The following PATJ variants were observed in gnomAD, a reference collection of about 807,000 sequenced individuals.
PATJ encodes the protein PATJ crumbs cell polarity complex component.
In PATJ, 190 loss-of-function variants were observed where a neutral mutation model predicts 224.9. The ratio of observed to expected loss-of-function variants is 0.84; its 90% confidence interval spans 0.75 to 0.95. The LOEUF is 0.95. Among genes scored for constraint, PATJ ranks in the 40% least tolerant of loss-of-function variants. PATJ has a pLI of 0.00. For synonymous variants in PATJ, 769 were observed against 820.3 expected, an observed-to-expected ratio of 0.94 and a Z score of 1.07; for missense variants, 2,121 against 2,270.3, an observed-to-expected ratio of 0.93 and a Z score of 1.34.
At chr1:62,144,775 A>ATATATATATATATATATATATATATAT (rs1218856613) in intron 41 of PATJ, among the ~76,000 whole-genome samples, 25 of 90,822 alleles carry the variant, frequency 2.8e-4, no homozygotes, top group African/African-American at 7.0e-4. Flanking sequence ...GCAAAAAAAA[A>ATATATATATATATATATATATATATAT]AAATATATAT....
intron 14 of PATJ, among the ~76,000 whole-genome samples, chr1:61,818,125 G>A (rs1656524584): frequency 6.6e-6 from 1 of 152,180 alleles, no homozygotes; most frequent in Admixed American, 6.5e-5. Context: ...AAAAGGAATG[G>A]GCTGTAGTTT....
intron 43 of PATJ, 67 bp downstream of exon 43, chr1:62,153,548 T>G: frequency 9.6e-7 from 1 of 1,046,694 alleles, no homozygotes; most frequent in African/African-American, 1.6e-5. Flanking sequence ...TTTTAAGTGC[T>G]TTGCTTTGCT....
Position 61,908,359 on chromosome 1 carries a change from T to G in PATJ, c.3382-13T>G. 1 of 1,577,340 alleles carries G rather than the reference T, an allele frequency of 6.3e-7. No homozygotes were observed. The highest frequency in any genetic ancestry group is 1.1e-5 in the South Asian group (1 of 90,294). On this transcript the variant is annotated splice_polypyrimidine_tract_variant and intron_variant, in intron 24 of 43. Coordinates refer to ENST00000642238, the MANE Select transcript of PATJ (RefSeq NM_001350145.3). ...TGCTGTTCTAATTGAAATAACTTGC[T>G]TCTGTGTTTCAGGTGTCTGGAGTAG...
chr1:61,804,007 CA>C (rs1428079351), intron 12 of PATJ, among the ~76,000 whole-genome samples: 5 of 151,894 alleles, frequency 3.3e-5, no homozygotes, highest in East Asian at 3.9e-4. Context: ...AAAATATAGT[CA>C]AAAAAATTGC....
chr1:61,947,662 GC>G (rs1678956018), intron 27 of PATJ, among the ~76,000 whole-genome samples: 1 of 152,132 alleles, frequency 6.6e-6, no homozygotes, highest in Non-Finnish European at 1.5e-5. Flanking sequence ...TAGATTGAAT[GC>G]CATCCCCATG....
At chr1:62,156,461 C>T (rs1420524543) in intron 43 of PATJ, among the ~76,000 whole-genome samples, 4 of 151,330 alleles carry the variant, frequency 2.6e-5, no homozygotes, top group Admixed American at 6.6e-5. Flanking sequence ...ACCTGGGAGG[C>T]GGGGGTTGCA....
intron 5 of PATJ, among the ~76,000 whole-genome samples, chr1:61,771,158 G>A (rs575260844): frequency 1.3e-5 from 2 of 152,210 alleles, no homozygotes; most frequent in Admixed American, 6.5e-5. Context: ...AAACCTTGGC[G>A]GTGGGGTCCT....
chr1:61,982,704 T>G (rs1165434819), intron 27 of PATJ, among the ~76,000 whole-genome samples: 1 of 152,044 alleles, frequency 6.6e-6, no homozygotes, highest in Non-Finnish European at 1.5e-5. Context: ...TTGAACTATA[T>G]GCTAGAAGAC....
At chr1:62,027,207 G>T (rs1165064118) in intron 29 of PATJ, among the ~76,000 whole-genome samples, 1 of 152,182 alleles carries the variant, frequency 6.6e-6, no homozygotes, top group Admixed American at 6.5e-5. Flanking sequence ...CCTCACATAA[G>T]TGGACTCATG....
At chr1:61,857,490 G>A (rs925521289) in intron 18 of PATJ, among the ~76,000 whole-genome samples, 6 of 152,202 alleles carry the variant, frequency 3.9e-5, no homozygotes, top group Non-Finnish European at 8.8e-5. Flanking sequence ...TGCTGTACAT[G>A]CCTGTCTTAC....
chr1:61,996,204 A>G (rs1329919674), intron 28 of PATJ, among the ~76,000 whole-genome samples: 1 of 152,234 alleles, frequency 6.6e-6, no homozygotes, highest in Non-Finnish European at 1.5e-5. Flanking sequence ...AAAGACATAG[A>G]GCTACAGGTA....
intron 34 of PATJ, among the ~76,000 whole-genome samples, chr1:62,109,304 A>C (rs957093885): frequency 3.9e-5 from 6 of 152,058 alleles, no homozygotes; most frequent in African/African-American, 1.5e-4. Flanking sequence ...TATAGCACTT[A>C]CAAATGACAT....
At chr1:61,867,729 G>C (rs1404512922) in intron 20 of PATJ, among the ~76,000 whole-genome samples, 1 of 151,980 alleles carries the variant, frequency 6.6e-6, no homozygotes, top group Non-Finnish European at 1.5e-5. Flanking sequence ...GCTTTCTTAA[G>C]GTATTGGCTC....
chr1:61,912,523 C>A (rs1196548076), intron 25 of PATJ, among the ~76,000 whole-genome samples: 2 of 151,606 alleles, frequency 1.3e-5, no homozygotes, highest in African/African-American at 4.9e-5. Flanking sequence ...ACCTGGGAGA[C>A]ACAGGTTGCA....
chr1:61,845,169 A>G (rs1446045568), intron 17 of PATJ, among the ~76,000 whole-genome samples: 1 of 152,158 alleles, frequency 6.6e-6, no homozygotes, highest in African/African-American at 2.4e-5. Context: ...TGTTTAAAAC[A>G]CTTTAGGTAT....
At chr1:61,900,676 G>A (rs1330432954) in intron 23 of PATJ, among the ~76,000 whole-genome samples, 3 of 151,846 alleles carry the variant, frequency 2.0e-5, no homozygotes, top group African/African-American at 7.3e-5. Flanking sequence ...TGCAAGCTCT[G>A]CCTCCCGGGT....
chr1:62,154,641 A>G (rs1382602809), intron 43 of PATJ, among the ~76,000 whole-genome samples: 1 of 120,346 alleles, frequency 8.3e-6, no homozygotes, highest in Non-Finnish European at 1.7e-5. Context: ...AGCCTGGGCA[A>G]TCCATCTCAA....
rs151094559 is a variant in PATJ, at chr1:62,149,580, A to G, written c.5378+1190A>G. Among the ~76,000 whole-genome samples the G allele has an allele frequency of 3.4e-3, 517 of 150,752 alleles. 2 individuals carry two copies. The highest frequency in any genetic ancestry group is 0.012 in the African/African-American group (487 of 40,820). The stretch of plus-strand genomic sequence containing the variant: ...ATATGACAACACATAGAAATATAAC[A>G]TTTTTCAAATTACGGTGGCCTTTTC... On this transcript the variant is annotated intron_variant, in intron 42 of 43. Transcript: ENST00000642238.
intron 42 of PATJ, among the ~76,000 whole-genome samples, chr1:62,151,753 A>T (rs1668662234): frequency 2.0e-5 from 3 of 152,254 alleles, no homozygotes; most frequent in African/African-American, 7.2e-5. Context: ...CGCCTCTCAG[A>T]CATGCATGTT....
Sources: allele counts gnomAD v4.1 joint callset (sites outside exome capture counted in the v4.1 genomes callset), GRCh38; gene constraint gnomAD v4.1.1; transcripts MANE v1.5; gene names NCBI Gene and HGNC (gene_info 2026-07-23, HGNC 2026-07-21).